The following AK5 variants were observed in gnomAD, a reference collection of about 807,000 sequenced individuals.
The protein encoded by AK5 is adenylate kinase isoenzyme 5.
In AK5, 27 loss-of-function variants were observed where a neutral mutation model predicts 69.5. That is an observed-to-expected ratio of 0.39 (90% confidence interval 0.29 to 0.54). AK5 has a LOEUF of 0.54. Ranked by LOEUF, AK5 falls within the 20% of genes least tolerant of loss-of-function variation. The probability of loss-of-function intolerance (pLI) is 0.71; values close to 1 mark genes in which losing one functional copy is unlikely to be tolerated. For synonymous variants in AK5, 260 were observed against 244.4 expected (o/e 1.06, Z -0.60); for missense variants, 531 against 700.4 (o/e 0.76, Z 2.73).
intron 6 of AK5, among the ~76,000 whole-genome samples, chr1:77,381,385 T>C (rs1346784819): frequency 6.6e-6 from 1 of 152,184 alleles, no homozygotes; most frequent in Non-Finnish European, 1.5e-5. Flanking sequence ...TCTATGATAT[T>C]TTGTTATACC....
At chr1:77,455,158 A>T (rs767739864) in intron 8 of AK5, among the ~76,000 whole-genome samples, 3 of 151,908 alleles carry the variant, frequency 2.0e-5, no homozygotes, top group Non-Finnish European at 4.4e-5. Context: ...TTGGCCAAAA[A>T]CATCTAGTAT....
chr1:77,558,481 G>GGA (rs1300758138), intron 13 of AK5, 121 bp from the exon 14 acceptor site: 2 of 615,724 alleles, frequency 3.2e-6, no homozygotes, highest in East Asian at 2.9e-5. Context: ...GTGTTTTGGG[G>GGA]GGGGTCTTGT....
intron 12 of AK5, among the ~76,000 whole-genome samples, chr1:77,531,856 G>A (rs534928047): frequency 6.6e-6 from 1 of 151,966 alleles, no homozygotes. Flanking sequence ...GGGGGAGGTG[G>A]GGGGGAAGGC....
chr1:77,492,152 C>T (rs953263524), intron 10 of AK5, among the ~76,000 whole-genome samples: 5 of 152,166 alleles, frequency 3.3e-5, no homozygotes, highest in African/African-American at 1.2e-4. Flanking sequence ...CATAGGTGTG[C>T]TAAAGGGCCT....
chr1:77,368,250 TATA>T (rs1440568711), intron 6 of AK5, among the ~76,000 whole-genome samples: 74 of 75,026 alleles, frequency 9.9e-4, no homozygotes, highest in East Asian at 2.2e-3. Context: ...TATATATATA[TATA>T]ATATATATGT....
rs1553140114 is a variant in AK5, at chr1:77,367,904, T to TATATAATATATGTGATATATA, written c.891+27342_891+27343insTATATGTGATATATAATATAA. Among the ~76,000 whole-genome samples the TATATAATATATGTGATATATA allele has an allele frequency of 3.0e-3, 12 of 3,944 alleles. 4 individuals carry two copies. Among genetic ancestry groups the TATATAATATATGTGATATATA allele is most frequent in the South Asian group, 0.027 (2 of 74 alleles). The allele number at this position is 3,944 out of a possible 152,430, so 2.6% of individuals were successfully genotyped here. A position where few individuals can be genotyped will look rare whatever the true frequency, so the allele number is the denominator to read the frequency against. On this transcript the variant is annotated intron_variant, in intron 6 of 13. Coordinates refer to ENST00000354567, the MANE Select transcript of AK5 (RefSeq NM_174858.3). Reference sequence around the variant, plus strand: ...TATAAAATATATGTGATATATATTATATATAAAATATATGTGATATATATT... The same window carrying TATATAATATATGTGATATATA: ...TATAAAATATATGTGATATATATTATATATAATATATGTGATATATAATATAAAATATATGTGATATATATT...
Position 77,534,129 on chromosome 1 carries a change from C to T in AK5, c.1429-1718C>T, listed in dbSNP as rs150309555. On this transcript the variant is annotated intron_variant, in intron 12 of 13. Transcript: ENST00000354567. Reference sequence around the variant, plus strand: ...GCAACTCACGATATTACGAGTTCTCCGTGTTGCCTAAACATCCTCTTCTTG... The same window carrying T: ...GCAACTCACGATATTACGAGTTCTCTGTGTTGCCTAAACATCCTCTTCTTG... Among the ~76,000 whole-genome samples the T allele has an allele frequency of 5.5e-3, 830 of 152,198 alleles. 9 individuals are homozygous for T. Among genetic ancestry groups the T allele is most frequent in the African/African-American group, 0.018 (763 of 41,518 alleles).
intron 6 of AK5, among the ~76,000 whole-genome samples, chr1:77,345,552 A>G (rs533550207): frequency 3.1e-4 from 47 of 152,268 alleles, no homozygotes; most frequent in African/African-American, 1.1e-3. Flanking sequence ...AAGGCATTAG[A>G]AAAAAACTCC....
At chr1:77,383,182 A>C (rs1354796262) in intron 6 of AK5, among the ~76,000 whole-genome samples, 1 of 152,210 alleles carries the variant, frequency 6.6e-6, no homozygotes, top group Non-Finnish European at 1.5e-5. Context: ...TGAAAAGTAA[A>C]GTTTAAGCAT....
chr1:77,403,437 A>G (rs1037104116), intron 6 of AK5, among the ~76,000 whole-genome samples: 1 of 152,034 alleles, frequency 6.6e-6, no homozygotes, highest in Non-Finnish European at 1.5e-5. Flanking sequence ...TAGGTCTAAC[A>G]TTTAAGTCTT....
intron 6 of AK5, among the ~76,000 whole-genome samples, chr1:77,361,148 CT>C (rs1646855353): frequency 6.6e-6 from 1 of 152,196 alleles, no homozygotes; most frequent in South Asian, 2.1e-4. Flanking sequence ...CTATATTTTA[CT>C]GTCATTCATT....
In AK5 at chr1:77,486,297, T is replaced by A; in HGVS notation, c.1103-11T>A. On this transcript the variant is annotated splice_polypyrimidine_tract_variant and intron_variant, in intron 9 of 13. Transcript: ENST00000354567. ...TTCTTGCCAATAACTTAAGTTATTC[T>A]TATTTTAAAGGTTTCATGGAAGATT... is the stretch of plus-strand genomic sequence containing the variant. 2 of 1,551,114 alleles carry A rather than the reference T, an allele frequency of 1.3e-6. No individual in the cohort carries two copies. Among genetic ancestry groups the A allele is most frequent in the Non-Finnish European group, 1.8e-6 (2 of 1,126,156 alleles).
chr1:77,500,858 G>A (rs1656675588), intron 10 of AK5, among the ~76,000 whole-genome samples: 1 of 126,204 alleles, frequency 7.9e-6, no homozygotes. Context: ...AGTGAAGTTC[G>A]TTTTTTGTTT....
At position 77,516,497 on chromosome 1, in the gene AK5, G is replaced by A. The variant is rs190636357; in HGVS notation, c.1148-2067G>A. 8.2e-4 allele frequency among the ~76,000 whole-genome samples: 125 copies of A among 152,222 alleles called. No homozygotes were observed. In the Middle Eastern group the frequency reaches 0.01, roughly 12 times the overall value. On this transcript the variant is annotated intron_variant, in intron 10 of 13. Transcript: ENST00000354567. ...GTGGTAATTATTTCACAATATATAT[G>A]TATATCAAACATCACATTGTACATC... is the stretch of plus-strand genomic sequence containing the variant.
At chr1:77,509,336 A>G (rs1657199474) in intron 10 of AK5, among the ~76,000 whole-genome samples, 1 of 152,170 alleles carries the variant, frequency 6.6e-6, no homozygotes, top group African/African-American at 2.4e-5. Flanking sequence ...GAACTAATAA[A>G]GATGTTGTCT....
intron 12 of AK5, among the ~76,000 whole-genome samples, chr1:77,531,478 A>G (rs1454816421): frequency 2.6e-5 from 4 of 152,126 alleles, no homozygotes; most frequent in African/African-American, 9.7e-5. Flanking sequence ...GGGTAGCTAG[A>G]TACAGAGTGT....
intron 12 of AK5, among the ~76,000 whole-genome samples, chr1:77,531,757 GCGCC>G (rs1253679165): frequency 6.6e-6 from 1 of 151,968 alleles, no homozygotes; most frequent in Non-Finnish European, 1.5e-5. Context: ...CCCGCGCCCT[GCGCC>G]CGCACTCCTC....
intron 11 of AK5, among the ~76,000 whole-genome samples, chr1:77,520,361 G>A (rs1177447510): frequency 6.6e-6 from 1 of 152,166 alleles, no homozygotes; most frequent in African/African-American, 2.4e-5. Context: ...TTATCAAAGT[G>A]TGTTATTCCC....
intron 6 of AK5, among the ~76,000 whole-genome samples, chr1:77,383,991 A>T (rs1182016496): frequency 1.3e-5 from 2 of 152,160 alleles, no homozygotes; most frequent in Admixed American, 1.3e-4. Flanking sequence ...TAAAAATGTT[A>T]TATTAGAGAT....
Sources: allele counts gnomAD v4.1 joint callset (sites outside exome capture counted in the v4.1 genomes callset), GRCh38; gene constraint gnomAD v4.1.1; transcripts MANE v1.5; gene names NCBI Gene and HGNC (gene_info 2026-07-23, HGNC 2026-07-21).